The following GPC5 variants were observed in gnomAD, a reference collection of about 807,000 sequenced individuals.
GPC5 encodes the protein glypican 5, also known as glypican-5.
A neutral mutation model predicts 53.9 loss-of-function variants in GPC5; 47 were observed. That is an observed-to-expected ratio of 0.87 (90% CI 0.69 to 1.11). The LOEUF (loss-of-function observed/expected upper bound fraction) is 1.11. Ranked by LOEUF, GPC5 falls within the 50% of genes most tolerant of loss-of-function variation. GPC5 has a pLI of 0.00. For synonymous variants in GPC5, 286 were observed against 263.3 expected (o/e 1.09, Z -0.84); for missense variants, 748 against 713.1 (o/e 1.05, Z -0.56).
At chr13:91,580,755 C>T (rs150066089) in intron 2 of GPC5, among the ~76,000 whole-genome samples, 221 of 152,284 alleles carry the variant, frequency 1.5e-3, no homozygotes, top group African/African-American at 5.2e-3. Flanking sequence ...TGTTGTTCTT[C>T]GAGTCAGAAG....
At chr13:91,586,563 T>TAGAG (rs3055914) in intron 2 of GPC5, among the ~76,000 whole-genome samples, 10 of 41,990 alleles carry the variant, frequency 2.4e-4, no homozygotes, top group African/African-American at 3.8e-4. Context: ...TATATATATG[T>TAGAG]AGAGAGAGAG....
intron 7 of GPC5, among the ~76,000 whole-genome samples, chr13:92,212,685 G>A (rs2042383562): frequency 6.6e-6 from 1 of 152,124 alleles, no homozygotes; most frequent in African/African-American, 2.4e-5. Context: ...GTAAAACACT[G>A]AGATACTTTG....
At chr13:92,403,554 G>A (rs1235720925) in intron 7 of GPC5, among the ~76,000 whole-genome samples, 1 of 152,178 alleles carries the variant, frequency 6.6e-6, no homozygotes, top group African/African-American at 2.4e-5. Context: ...TCTAACTAAT[G>A]CCTGATGTTC....
chr13:91,764,306 A>G (rs960404462), intron 5 of GPC5, among the ~76,000 whole-genome samples: 5 of 152,206 alleles, frequency 3.3e-5, no homozygotes, highest in African/African-American at 1.2e-4. Flanking sequence ...TGCGTGGTAT[A>G]TCATCTTCTG....
chr13:91,594,775 C>T (rs2032928862), intron 2 of GPC5, among the ~76,000 whole-genome samples: 1 of 151,804 alleles, frequency 6.6e-6, no homozygotes, highest in South Asian at 2.1e-4. Context: ...ACTTCCTGAG[C>T]TTGAGCAATC....
At chr13:92,337,144 C>A (rs1449382976) in intron 7 of GPC5, among the ~76,000 whole-genome samples, 1 of 150,040 alleles carries the variant, frequency 6.7e-6, no homozygotes, top group Non-Finnish European at 1.5e-5. Context: ...CTCTAGTGAA[C>A]AAATGTAATT....
chr13:91,432,048 A>C (rs1439732577), intron 1 of GPC5, among the ~76,000 whole-genome samples: 1 of 152,130 alleles, frequency 6.6e-6, no homozygotes, highest in Non-Finnish European at 1.5e-5. Flanking sequence ...TAGAGAAATA[A>C]TGTGGGTTGT....
chr13:91,877,562 G>A (rs2039217675), intron 5 of GPC5, among the ~76,000 whole-genome samples: 1 of 152,042 alleles, frequency 6.6e-6, no homozygotes, highest in African/African-American at 2.4e-5. Flanking sequence ...ATTTGGAATG[G>A]CTGTATTCAC....
intron 7 of GPC5, among the ~76,000 whole-genome samples, chr13:92,566,583 T>A (rs929137503): frequency 6.6e-6 from 1 of 152,100 alleles, no homozygotes; most frequent in Non-Finnish European, 1.5e-5. Flanking sequence ...AGCAAATAAA[T>A]GCAGTTGTCC....
intron 7 of GPC5, among the ~76,000 whole-genome samples, chr13:92,584,352 A>G (rs1174729315): frequency 6.6e-6 from 1 of 152,014 alleles, no homozygotes. Context: ...AGCAAAGGTG[A>G]CTCTTGCTAT....
chr13:91,615,280 A>G (rs142642383), intron 2 of GPC5, among the ~76,000 whole-genome samples: 64 of 152,328 alleles, frequency 4.2e-4, no homozygotes, highest in African/African-American at 1.3e-3. Context: ...GGCCTTTTGT[A>G]TATGGCACAA....
chr13:91,942,667 GA>G (rs2039938622), intron 6 of GPC5, among the ~76,000 whole-genome samples: 1 of 23,962 alleles, frequency 4.2e-5, no homozygotes, highest in African/African-American at 2.9e-4. Flanking sequence ...AAAAAATATA[GA>G]TATAGATATA....
intron 7 of GPC5, among the ~76,000 whole-genome samples, chr13:92,515,569 G>A (rs760866113): frequency 3.1e-4 from 47 of 152,228 alleles, no homozygotes; most frequent in Admixed American, 1.6e-3. Context: ...TGTTTTTCAA[G>A]CAGTAGATAC....
At chr13:91,928,732 C>A (rs999449677) in intron 6 of GPC5, among the ~76,000 whole-genome samples, 16 of 152,104 alleles carry the variant, frequency 1.1e-4, no homozygotes, top group African/African-American at 3.6e-4. Context: ...GAAATACACA[C>A]CCCATTCTCC....
intron 2 of GPC5, among the ~76,000 whole-genome samples, chr13:91,536,175 TG>T (rs1297398013): frequency 6.6e-6 from 1 of 152,202 alleles, no homozygotes; most frequent in Non-Finnish European, 1.5e-5. Flanking sequence ...GAAGAACATT[TG>T]AAAATTTGCT....
chr13:92,051,085 T>C (rs6492569), intron 6 of GPC5, among the ~76,000 whole-genome samples: 81,579 of 152,046 alleles, frequency 0.54, 22,376 homozygotes, highest in East Asian at 0.81. Context: ...ATTGCCTATG[T>C]AGTGCCTCCC....
chr13:92,291,004 C>T (rs1469659726), intron 7 of GPC5, among the ~76,000 whole-genome samples: 1 of 152,126 alleles, frequency 6.6e-6, no homozygotes, highest in African/African-American at 2.4e-5. Flanking sequence ...CCCCGCTGGC[C>T]CCAGGTAGTG....
chr13:91,583,111 A>G (rs1372261149), intron 2 of GPC5, among the ~76,000 whole-genome samples: 1 of 152,224 alleles, frequency 6.6e-6, no homozygotes, highest in Admixed American at 6.5e-5. Context: ...TGCAAACATT[A>G]TACTTAATAA....
rs1876156086 is a variant in GPC5 at position 92,413,772 on chromosome 13, G to T, written c.1561+268783G>T. Among the ~76,000 whole-genome samples, 3 of 152,264 alleles carry T rather than the reference G, an allele frequency of 2.0e-5. No homozygotes were observed. The South Asian group carries it at 6.2e-4, about 32-fold the overall frequency. ...AAGGATATAAGGTACACATACCAAG[G>T]ACCACGAAGGTTTACCTTTGCAAAA... On this transcript the variant is annotated intron_variant, in intron 7 of 7. Coordinates refer to ENST00000377067, the MANE Select transcript of GPC5 (RefSeq NM_004466.6).
Sources: gnomAD v4.1 joint callset for allele counts (sites outside exome capture counted in the v4.1 genomes callset) on GRCh38, gnomAD v4.1.1 for gene constraint, MANE v1.5 for transcripts, NCBI Gene and HGNC (gene_info 2026-07-23, HGNC 2026-07-21) for gene names.